Variants in EP300 observed in about 807,000 individuals in gnomAD.
The protein encoded by EP300 is EP300 lysine acetyltransferase.
EP300 carries 31 observed loss-of-function variants against 264.0 expected under a neutral mutation model. The observed-to-expected ratio is 0.12, with a 90% confidence interval of 0.09 to 0.16. EP300 has a LOEUF of 0.16. EP300 is among the 10% of genes least tolerant of loss of function. EP300 has a pLI of 1.00. For missense variants in EP300, 2,766 were observed against 3,052.9 expected (o/e 0.91, Z 2.21); for synonymous variants, 1,340 against 1,045.4 (o/e 1.28, Z -5.44).
intron 12 of EP300, 176 bp from the exon 13 acceptor site, chr22:41,148,860 AAG>A (rs1383099298): frequency 1.4e-6 from 1 of 724,524 alleles, no homozygotes; most frequent in African/African-American, 1.8e-5. Flanking sequence ...ATCTTGGCAC[AAG>A]AGTCAGTTGT....
chr22:41,134,155 ATTCTT>A (rs1393187659), intron 6 of EP300, among the ~76,000 whole-genome samples: 2 of 97,738 alleles, frequency 2.0e-5, no homozygotes, highest in South Asian at 3.4e-4. Context: ...TGTTGATTTC[ATTCTT>A]TTCTTTTTTT....
intron 10 of EP300, 111 bp from the exon 11 acceptor site, chr22:41,146,628 A>C: frequency 1.1e-6 from 1 of 905,332 alleles, no homozygotes; most frequent in Non-Finnish European, 1.8e-6. Context: ...ATTCATACTC[A>C]ATTTTCAAAG....
intron 10 of EP300, among the ~76,000 whole-genome samples, chr22:41,145,654 C>T (rs5751051): frequency 0.041 from 6,200 of 152,246 alleles, 417 homozygotes; most frequent in East Asian, 0.2. Flanking sequence ...GACGGAGTCT[C>T]GCTCTGTCGC....
chr22:41,143,105 C>A lies in EP300; in HGVS notation c.2053+1883C>A, dbSNP rs533262506. Among the ~76,000 whole-genome samples the A allele has an allele frequency of 3.9e-5, 6 of 152,232 alleles. 1 individual carries two copies. The South Asian group carries it at 1.2e-3, about 32-fold the overall frequency. Reference sequence around the variant, plus strand: ...GACCTTTAGCTCGTACTAAATCTGACATTTTGTAGAATGAGATTCTTACCT... The same window carrying A: ...GACCTTTAGCTCGTACTAAATCTGAAATTTTGTAGAATGAGATTCTTACCT... On this transcript the variant is annotated intron_variant, in intron 10 of 30. Coordinates refer to ENST00000263253, the MANE Select transcript of EP300 (RefSeq NM_001429.4).
At position 41,177,432 on chromosome 22, in the gene EP300, T is replaced by C. The variant is rs2145517312; in HGVS notation, c.5721T>C (p.Pro1907=). ...GTAAGGCAGCAGGCCAGGTGACCCC[T>C]CCAACCCCTCCTCAGACTGCTCAGC... is the stretch of plus-strand genomic sequence containing the variant. ...SQGKAAGQVT[P]PTPPQTAQPP... The change falls in exon 31 of 31, where the codon CCT becomes CCC. Residue 1907 remains proline, a synonymous_variant. Transcript: ENST00000263253. The C allele has an allele frequency of 6.2e-7, 1 of 1,613,906 alleles. No individual in the cohort carries two copies. Among genetic ancestry groups the C allele is most frequent in the Non-Finnish European group, 8.5e-7 (1 of 1,180,000 alleles).
chr22:41,111,737 T>C (rs936963412), intron 1 of EP300, among the ~76,000 whole-genome samples: 4 of 151,422 alleles, frequency 2.6e-5, no homozygotes, highest in African/African-American at 9.7e-5. Context: ...ACGGGGTTTC[T>C]CCATGTTGCT....
intron 3 of EP300, 128 bp from the exon 4 acceptor site, chr22:41,127,359 T>A: frequency 8.1e-7 from 1 of 1,235,150 alleles, no homozygotes; most frequent in South Asian, 1.3e-5. Context: ...ATTCCCTGTG[T>A]CAAAAAATGG....
chr22:41,176,651 A>G (rs2145514489), intron 30 of EP300, 122 bp from the exon 31 acceptor site: 1 of 1,608,126 alleles, frequency 6.2e-7, no homozygotes, highest in Non-Finnish European at 8.5e-7. Context: ...TTTGAGGGGC[A>G]GAGCTGAAGA....
At chr22:41,162,885 A>G (rs569497350) in intron 21 of EP300, 106 bp downstream of exon 21, 2 of 917,204 alleles carry the variant, frequency 2.2e-6, no homozygotes, top group Non-Finnish European at 3.6e-6. Context: ...TTCTTGGGCT[A>G]AATCTACATA....
At chr22:41,099,574 A>G (rs944720942) in intron 1 of EP300, among the ~76,000 whole-genome samples, 1 of 152,160 alleles carries the variant, frequency 6.6e-6, no homozygotes, top group Non-Finnish European at 1.5e-5. Flanking sequence ...ACTATCACGA[A>G]TTTTTTTCCT....
chr22:41,176,536 C>CCGGGTTGTGG lies in EP300; in HGVS notation c.5061+9_5061+18dup. 6.2e-7 allele frequency: 1 copy of CCGGGTTGTGG among 1,613,538 alleles called. No homozygotes were observed. Among genetic ancestry groups the CCGGGTTGTGG allele is most frequent in the Non-Finnish European group, 8.5e-7 (1 of 1,179,972 alleles). On this transcript the variant is annotated intron_variant, in intron 30 of 30. Transcript: ENST00000263253. ...CACTGTACTGTCTGTGAGGTAGGCACCGGGTTGTGGGAAGGAGGAGGTGAG... is the reference window on the plus strand; with the variant it reads ...CACTGTACTGTCTGTGAGGTAGGCACCGGGTTGTGGCGGGTTGTGGGAAGGAGGAGGTGAG...
intron 1 of EP300, among the ~76,000 whole-genome samples, chr22:41,104,427 T>C (rs1406807947): frequency 1.3e-5 from 2 of 151,966 alleles, no homozygotes; most frequent in African/African-American, 4.8e-5. Flanking sequence ...GTAGCTGGGA[T>C]TACAGGCGCC....
At chr22:41,099,667 C>G (rs1004411670) in intron 1 of EP300, among the ~76,000 whole-genome samples, 1 of 152,134 alleles carries the variant, frequency 6.6e-6, no homozygotes, top group African/African-American at 2.4e-5. Flanking sequence ...GAACTTTCAC[C>G]TTCAAGCAAT....
chr22:41,139,380 C>G (rs1011305139), intron 8 of EP300, among the ~76,000 whole-genome samples: 1 of 152,194 alleles, frequency 6.6e-6, no homozygotes, highest in Non-Finnish European at 1.5e-5. Context: ...TATTCAGGAA[C>G]TTTTATTTAA....
At chr22:41,101,274 C>T (rs1222658336) in intron 1 of EP300, among the ~76,000 whole-genome samples, 5 of 151,932 alleles carry the variant, frequency 3.3e-5, no homozygotes, top group Non-Finnish European at 5.9e-5. Flanking sequence ...AGGGTTTCAC[C>T]GTGTTGGCCA....
chr22:41,105,688 C>T (rs1230722239), intron 1 of EP300, among the ~76,000 whole-genome samples: 2 of 152,166 alleles, frequency 1.3e-5, no homozygotes, highest in African/African-American at 4.8e-5. Flanking sequence ...TGAGCCACCA[C>T]CCCTGGCGTG....
At chr22:41,118,716 G>A (rs2058834838) in intron 2 of EP300, among the ~76,000 whole-genome samples, 1 of 152,088 alleles carries the variant, frequency 6.6e-6, no homozygotes, top group South Asian at 2.1e-4. Flanking sequence ...AGCACTTTGG[G>A]AGGCCAAGGC....
chr22:41,146,510 A>C, intron 10 of EP300: 7 of 533,724 alleles, frequency 1.3e-5, no homozygotes, highest in East Asian at 3.3e-5. Context: ...CATTGAAAGC[A>C]CCCGGGCTCA....
rs757884542 is a variant in EP300 at position 41,177,396 on chromosome 22, T to C, written c.5685T>C (p.Pro1895=). 1.1e-5 allele frequency: 17 copies of C among 1,613,950 alleles called. No homozygotes were observed. The African/African-American group carries it at 2.1e-4, about 20-fold the overall frequency. ...PYLPRTQAAG[P]VSQGKAAGQV... is the part of the protein sequence containing the mutation. ...TGCCCAGGACTCAAGCTGCTGGCCC[T>C]GTGTCCCAGGGTAAGGCAGCAGGCC... Residue 1895 remains proline (P), a synonymous_variant, in exon 31 of 31, where the codon CCT becomes CCC. Transcript: ENST00000263253.
Sources: allele counts gnomAD v4.1 joint callset (sites outside exome capture counted in the v4.1 genomes callset), GRCh38; gene constraint gnomAD v4.1.1; transcripts MANE v1.5; gene names NCBI Gene and HGNC (gene_info 2026-07-23, HGNC 2026-07-21).